CCDC191: variants seen among roughly 807,000 people sequenced by gnomAD.
CCDC191 encodes coiled-coil domain-containing protein 191.
CCDC191 carries 99 observed loss-of-function variants against 114.0 expected under a neutral mutation model. The observed-to-expected ratio is 0.87, with a 90% CI of 0.74 to 1.03. The LOEUF (loss-of-function observed/expected upper bound fraction) is 1.03, where lower values mean the gene tolerates loss of function less well. CCDC191 is among the 50% of genes least tolerant of loss of function. The pLI, the probability that CCDC191 is intolerant of heterozygous loss-of-function variation, is 0.00. For synonymous variants in CCDC191, 351 were observed against 376.0 expected, an observed-to-expected ratio of 0.93 and a Z score of 0.77; for missense variants, 973 against 1,087.0, an observed-to-expected ratio of 0.90 and a Z score of 1.47.
chr3:113,979,133 G>T, intron 14 of CCDC191, 123 bp from the exon 15 acceptor site: 1 of 855,034 alleles, frequency 1.2e-6, no homozygotes, highest in Non-Finnish European at 1.8e-6. Flanking sequence ...TAATCTGAAG[G>T]TACATGCAGC....
intron 9 of CCDC191, among the ~76,000 whole-genome samples, chr3:114,008,450 C>G (rs1035549956): frequency 2.0e-5 from 3 of 151,972 alleles, no homozygotes; most frequent in African/African-American, 7.3e-5. Flanking sequence ...GCTGGGGACC[C>G]TCTAGTGCAC....
At chr3:114,046,260 T>TA (rs2076627973) in intron 3 of CCDC191, among the ~76,000 whole-genome samples, 1 of 152,226 alleles carries the variant, frequency 6.6e-6, no homozygotes, top group African/African-American at 2.4e-5. Flanking sequence ...AAAACTGATT[T>TA]ATAGACTATA....
At chr3:114,004,072 C>A (rs1010126151) in intron 11 of CCDC191, 10 of 948,642 alleles carry the variant, frequency 1.1e-5, no homozygotes, top group Non-Finnish European at 1.3e-5. Flanking sequence ...AGTTTGAGAC[C>A]AGCCTGGGCA....
At chr3:114,046,864 A>G (rs2076637374) in intron 2 of CCDC191, 132 bp from the exon 3 acceptor site, 1 of 1,377,356 alleles carries the variant, frequency 7.3e-7, no homozygotes. Context: ...TTTTGGAGAA[A>G]CTCTTGAGGT....
At chr3:114,015,255 C>T (rs1411379477) in intron 8 of CCDC191, among the ~76,000 whole-genome samples, 1 of 152,002 alleles carries the variant, frequency 6.6e-6, no homozygotes, top group Non-Finnish European at 1.5e-5. Context: ...AAAGCATGTT[C>T]CAGGAAAGGC....
At position 113,965,093 on chromosome 3, in the gene CCDC191, G is replaced by A. The variant is rs943469371; in HGVS notation, c.*62C>T. On this transcript the variant is annotated 3_prime_UTR_variant, in exon 17 of 17. Transcript: ENST00000295878. The stretch of plus-strand genomic sequence containing the variant: ...TGTATGTATGTATGTGTGTGGGTGG[G>A]TGGAGATAACACACATACAGACTAG... 3 of 946,052 alleles carry A rather than the reference G, an allele frequency of 3.2e-6. No individual in the cohort carries two copies. The African/African-American group carries it at 5.0e-5, about 16-fold the overall frequency. The allele number at this position is 946,052 out of a possible 1,614,324, so 58.6% of individuals were successfully genotyped here.
intron 13 of CCDC191, among the ~76,000 whole-genome samples, chr3:113,992,654 C>T (rs977606073): frequency 6.6e-6 from 1 of 152,048 alleles, no homozygotes; most frequent in African/African-American, 2.4e-5. Context: ...GTGCAGCATA[C>T]CAACATGGCA....
intron 7 of CCDC191, among the ~76,000 whole-genome samples, chr3:114,027,256 T>C (rs993202697): frequency 3.3e-5 from 5 of 152,216 alleles, no homozygotes; most frequent in African/African-American, 1.2e-4. Context: ...ACTGTTTCTC[T>C]CAGTCTCCTA....
Position 114,047,801 on chromosome 3 carries a change from C to G in CCDC191, c.130-1069G>C, listed in dbSNP as rs531174640. Among the ~76,000 whole-genome samples the G allele has an allele frequency of 1.6e-4, 24 of 152,036 alleles. No homozygotes were observed. In the South Asian group the frequency reaches 5.0e-3, roughly 32 times the overall value. On this transcript the variant is annotated intron_variant, in intron 2 of 16. Coordinates refer to ENST00000295878, the MANE Select transcript of CCDC191 (RefSeq NM_020817.2). ...ACCAGCCTGGCCAACACGGTGAAACCCTGTATCTACTAAAAATACAAAAAT... is the reference window on the plus strand; with the variant it reads ...ACCAGCCTGGCCAACACGGTGAAACGCTGTATCTACTAAAAATACAAAAAT...
At chr3:113,975,478 T>TTCA (rs1256083022) in intron 16 of CCDC191, among the ~76,000 whole-genome samples, 1 of 152,234 alleles carries the variant, frequency 6.6e-6, no homozygotes, top group Non-Finnish European at 1.5e-5. Flanking sequence ...TGCAATAAAG[T>TTCA]TCATCTATTC....
intron 8 of CCDC191, among the ~76,000 whole-genome samples, chr3:114,016,315 T>C (rs1017951531): frequency 1.3e-5 from 2 of 152,164 alleles, no homozygotes; most frequent in African/African-American, 2.4e-5. Flanking sequence ...TCAAGTTAAA[T>C]TGCAGGAGAG....
At chr3:113,988,794 T>C (rs940773052) in intron 13 of CCDC191, among the ~76,000 whole-genome samples, 1 of 151,994 alleles carries the variant, frequency 6.6e-6, no homozygotes, top group African/African-American at 2.4e-5. Context: ...AAGGCATATA[T>C]GTAAGTCTTT....
chr3:113,973,986 T>C lies in CCDC191; in HGVS notation c.2606+4200A>G, dbSNP rs963966989. ...TCTTCATTCCTTTTCTTTTTTCTTT[T>C]CTCTTCTGATAGCATATTTTCAAGT... On this transcript the variant is annotated intron_variant, in intron 16 of 16. Coordinates refer to ENST00000295878, the MANE Select transcript of CCDC191 (RefSeq NM_020817.2). Among the ~76,000 whole-genome samples, 3 of 151,570 alleles carry C rather than the reference T, an allele frequency of 2.0e-5. No homozygotes were observed. In the Admixed American group the frequency reaches 2.0e-4, roughly 10 times the overall value.
At chr3:114,027,353 T>C (rs1280161956) in intron 7 of CCDC191, among the ~76,000 whole-genome samples, 3 of 152,122 alleles carry the variant, frequency 2.0e-5, no homozygotes, top group Non-Finnish European at 2.9e-5. Flanking sequence ...TGGTGGCTCA[T>C]GCCTGTAATC....
chr3:114,024,759 G>A (rs1459277670), intron 7 of CCDC191, among the ~76,000 whole-genome samples: 1 of 152,150 alleles, frequency 6.6e-6, no homozygotes, highest in African/African-American at 2.4e-5. Context: ...TAAATGACAA[G>A]TTAATGGGTG....
At chr3:113,978,705 T>C (rs2075025443) in intron 15 of CCDC191, 153 bp downstream of exon 15, 11 of 821,650 alleles carry the variant, frequency 1.3e-5, no homozygotes, top group Non-Finnish European at 1.9e-5. Flanking sequence ...TGATTTACCA[T>C]TTTCACATTT....
chr3:113,997,567 A>G (rs2075756214), intron 13 of CCDC191, among the ~76,000 whole-genome samples: 1 of 152,204 alleles, frequency 6.6e-6, no homozygotes, highest in Admixed American at 6.5e-5. Flanking sequence ...AGCATCAGAA[A>G]GTAAAGTGCC....
intron 3 of CCDC191, among the ~76,000 whole-genome samples, chr3:114,045,043 A>G (rs1338293763): frequency 1.3e-5 from 2 of 152,208 alleles, no homozygotes; most frequent in Non-Finnish European, 2.9e-5. Context: ...TTCTCAGGAT[A>G]ATATACAGAT....
chr3:114,004,224 C>T (rs1577394902), intron 11 of CCDC191: 4 of 977,368 alleles, frequency 4.1e-6, no homozygotes, highest in African/African-American at 1.8e-5. Context: ...AATAACTTAT[C>T]TTGGATTACT....
Sources: gnomAD v4.1 joint callset for allele counts (sites outside exome capture counted in the v4.1 genomes callset) on GRCh38, gnomAD v4.1.1 for gene constraint, MANE v1.5 for transcripts, NCBI Gene and HGNC (gene_info 2026-07-23, HGNC 2026-07-21) for gene names.